Variants in NPAS2 observed in about 807,000 individuals in gnomAD.
NPAS2 encodes the protein neuronal PAS domain protein 2.
In NPAS2, 23 loss-of-function variants were observed where a neutral mutation model predicts 107.5. The observed-to-expected ratio is 0.21, with a 90% CI of 0.15 to 0.30. The LOEUF (loss-of-function observed/expected upper bound fraction) is 0.30. Among genes scored for constraint, NPAS2 ranks in the 10% least tolerant of loss-of-function variants. The pLI is 1.00. For synonymous variants in NPAS2, 403 were observed against 417.5 expected, an observed-to-expected ratio of 0.97 and a Z score of 0.42; for missense variants, 756 against 1,043.3, an observed-to-expected ratio of 0.72 and a Z score of 3.79.
chr2:100,963,188 GGGAGTT>G (rs578237281), intron 7 of NPAS2, among the ~76,000 whole-genome samples: 92 of 152,326 alleles, frequency 6.0e-4, no homozygotes, highest in South Asian at 1.7e-3. Context: ...GCTCCCAAGG[GGGAGTT>G]TCAGGACAGA....
intron 1 of NPAS2, chr2:100,901,478 C>T: frequency 1.0e-6 from 1 of 981,866 alleles, no homozygotes; most frequent in African/African-American, 1.7e-5. Flanking sequence ...CCAAGAAACC[C>T]AGAACTGGAA....
Position 100,974,936 on chromosome 2 carries a change from A to G in NPAS2, c.1274A>G (p.Glu425Gly), listed in dbSNP as rs1360678485. 1.1e-5 allele frequency: 17 copies of G among 1,613,846 alleles called. No individual in the cohort carries two copies. The Admixed American group carries it at 1.5e-4, about 14-fold the overall frequency. The part of the protein sequence containing the change: ...SHKSSHTAMS[E>G]PTSTPTKLMA... ...AAATCCTCGCACACAGCCATGTCAG[A>G]ACCCACCTGTGAGTGCGAGTCCATG... Residue 425 changes from glutamate (E) to glycine (G), a missense_variant, in exon 13 of 21, where the codon GAA becomes GGA. Glu to Gly is a moderately conservative substitution (Grantham distance 98). This residue lies in a region of NPAS2 where 496 missense variants were observed against 594.4 expected (regional missense o/e 0.83). Coordinates refer to ENST00000335681, the MANE Select transcript of NPAS2 (RefSeq NM_002518.4).
chr2:100,973,410 T>C (rs1411195914), intron 12 of NPAS2, among the ~76,000 whole-genome samples: 1 of 152,204 alleles, frequency 6.6e-6, no homozygotes, highest in Non-Finnish European at 1.5e-5. Context: ...CTGGACCGAC[T>C]TCTCTGCTGA....
chr2:100,965,031 C>T lies in NPAS2; in HGVS notation c.800+88C>T. 1 of 863,258 alleles carries T rather than the reference C, an allele frequency of 1.2e-6. No homozygotes were observed. 53.5% of individuals were successfully genotyped at this position (863,258 alleles called of 1,614,324 possible). A position where few individuals can be genotyped will look rare whatever the true frequency, so the allele number is the denominator to read the frequency against. On this transcript the variant is annotated intron_variant, in intron 9 of 20. Coordinates refer to ENST00000335681, the MANE Select transcript of NPAS2 (RefSeq NM_002518.4). The surrounding 1 kb of genome is among the most constrained non-coding windows in gnomAD (Gnocchi z 4.3). The stretch of plus-strand genomic sequence containing the variant: ...GCTCTCCTTGGGAGAGAAGAGTCGG[C>T]CCTGGTCCATTGAAAGAGGAGGACT...
chr2:100,869,365 A>T (rs6542996), intron 1 of NPAS2, among the ~76,000 whole-genome samples: 120,974 of 152,168 alleles, frequency 0.8, 48,241 homozygotes, highest in African/African-American at 0.83. Context: ...ATTTGGTGAA[A>T]TTTGACCAGG....
chr2:100,911,637 A>AC (rs2104813359), intron 2 of NPAS2, among the ~76,000 whole-genome samples: 2 of 141,654 alleles, frequency 1.4e-5, no homozygotes, highest in East Asian at 4.1e-4. Context: ...TTTCCATTCA[A>AC]TTTTTTTTTT....
intron 1 of NPAS2, among the ~76,000 whole-genome samples, chr2:100,884,377 C>A (rs377300863): frequency 6.6e-6 from 1 of 152,156 alleles, no homozygotes. Flanking sequence ...ATTTGTTTTT[C>A]TACAACCAAG....
chr2:100,832,741 C>T (rs1271459128), intron 1 of NPAS2, among the ~76,000 whole-genome samples: 1 of 152,034 alleles, frequency 6.6e-6, no homozygotes, highest in African/African-American at 2.4e-5. Context: ...GCAGGAGACA[C>T]CATGCTTAAA....
chr2:100,951,423 G>T (rs1408867683), intron 7 of NPAS2, among the ~76,000 whole-genome samples: 1 of 152,158 alleles, frequency 6.6e-6, no homozygotes, highest in East Asian at 1.9e-4. Flanking sequence ...GCCAAAAGGT[G>T]GAAGCAACCC....
At chr2:100,894,434 CT>C (rs1294072050) in intron 1 of NPAS2, among the ~76,000 whole-genome samples, 1 of 152,130 alleles carries the variant, frequency 6.6e-6, no homozygotes, top group Non-Finnish European at 1.5e-5. Context: ...CAAGGTCAGA[CT>C]TTTATTGACG....
At chr2:100,831,619 G>C (rs149225990) in intron 1 of NPAS2, among the ~76,000 whole-genome samples, 7 of 152,298 alleles carry the variant, frequency 4.6e-5, no homozygotes, top group Admixed American at 4.6e-4. Flanking sequence ...TTAATGGTCA[G>C]AGAGAATTTT....
chr2:100,994,324 C>T (rs953986954), intron 20 of NPAS2: 4 of 152,266 alleles, frequency 2.6e-5, no homozygotes, highest in Non-Finnish European at 4.4e-5. Flanking sequence ...AGTTCTAGAA[C>T]GTAATTTAAT....
At chr2:100,882,636 C>T (rs1056613523) in intron 1 of NPAS2, among the ~76,000 whole-genome samples, 2 of 147,494 alleles carry the variant, frequency 1.4e-5, no homozygotes, top group African/African-American at 4.9e-5. Flanking sequence ...AAACAAAAAA[C>T]GATGGGGTCC....
At chr2:100,950,597 T>C (rs1675163163) in intron 7 of NPAS2, among the ~76,000 whole-genome samples, 5 of 152,244 alleles carry the variant, frequency 3.3e-5, no homozygotes, top group Non-Finnish European at 4.4e-5. Context: ...GTTATTTGCA[T>C]AAATATACAT....
At position 100,956,059 on chromosome 2, in the gene NPAS2, A is replaced by G. The variant is rs376272767; in HGVS notation, c.598+6579A>G. On this transcript the variant is annotated intron_variant, in intron 7 of 20. Transcript: ENST00000335681. Reference sequence around the variant, plus strand: ...AGCTGGGACTACAGGCGCATGCTATAACAACCTGGCTAATTCTTTTATGTT... The same window carrying G: ...AGCTGGGACTACAGGCGCATGCTATGACAACCTGGCTAATTCTTTTATGTT... Among the ~76,000 whole-genome samples, 159 of 152,078 alleles carry G rather than the reference A, an allele frequency of 1.0e-3. 1 individual carries two copies. The highest frequency in any genetic ancestry group is 3.6e-3 in the African/African-American group (150 of 41,496).
chr2:100,977,837 G>A (rs1462781200), intron 15 of NPAS2, 38 bp downstream of exon 15: 4 of 1,564,412 alleles, frequency 2.6e-6, no homozygotes, highest in African/African-American at 1.4e-5. Flanking sequence ...CCCCTCTCAA[G>A]CCAGAAGTCC....
At chr2:100,828,977 T>C (rs1003657936) in intron 1 of NPAS2, among the ~76,000 whole-genome samples, 1 of 152,228 alleles carries the variant, frequency 6.6e-6, no homozygotes, top group Non-Finnish European at 1.5e-5. Flanking sequence ...ATCTGTAGAT[T>C]GCTTTGGGCA....
At chr2:100,971,284 G>A (rs1268472697) in intron 12 of NPAS2, among the ~76,000 whole-genome samples, 1 of 116,878 alleles carries the variant, frequency 8.6e-6, no homozygotes, top group Non-Finnish European at 1.6e-5. Flanking sequence ...GGATGACAGA[G>A]TAAGACTCTA....
At chr2:100,870,706 C>A (rs1679529533) in intron 1 of NPAS2, among the ~76,000 whole-genome samples, 1 of 152,216 alleles carries the variant, frequency 6.6e-6, no homozygotes, top group Non-Finnish European at 1.5e-5. Context: ...CTGCTTAGTT[C>A]CTCTAGCTGA....
Sources: allele counts gnomAD v4.1 joint callset (sites outside exome capture counted in the v4.1 genomes callset), GRCh38; gene constraint gnomAD v4.1.1; regional missense constraint gnomAD v4.1.1; non-coding constraint Gnocchi (gnomAD v3.1); transcripts MANE v1.5; gene names NCBI Gene and HGNC (gene_info 2026-07-23, HGNC 2026-07-21).